PAPOLA: variants seen among roughly 807,000 people sequenced by gnomAD.
The protein encoded by PAPOLA is polynucleotide adenylyltransferase alpha.
PAPOLA carries 15 observed loss-of-function variants against 100.6 expected under a neutral mutation model. That is an observed-to-expected ratio of 0.15 (90% confidence interval 0.10 to 0.23). PAPOLA has a LOEUF of 0.23. Ranked by LOEUF, PAPOLA falls within the 10% of genes least tolerant of loss-of-function variation. PAPOLA has a pLI of 1.00. For synonymous variants in PAPOLA, 293 were observed against 300.0 expected, an observed-to-expected ratio of 0.98 and a Z score of 0.24; for missense variants, 533 against 884.2, an observed-to-expected ratio of 0.60 and a Z score of 5.04.
chr14:96,511,012 C>T lies in PAPOLA; in HGVS notation c.8+8412C>T, dbSNP rs191836165. Reference sequence around the variant, plus strand: ...GCACATTAAGGTTAAGACCTTTAAACAGCAAATTCTACTGTGATGAATTGT... The same window carrying T: ...GCACATTAAGGTTAAGACCTTTAAATAGCAAATTCTACTGTGATGAATTGT... On this transcript the variant is annotated intron_variant, in intron 1 of 21. Transcript: ENST00000216277. Among the ~76,000 whole-genome samples the T allele has an allele frequency of 5.3e-5, 8 of 152,310 alleles. No homozygotes were observed. In the East Asian group the frequency reaches 1.5e-3, roughly 29 times the overall value.
intron 1 of PAPOLA, among the ~76,000 whole-genome samples, chr14:96,506,280 A>T (rs1255410896): frequency 1.3e-5 from 2 of 152,180 alleles, no homozygotes; most frequent in Non-Finnish European, 2.9e-5. Flanking sequence ...GGTTAATTTT[A>T]TTAAATCTTG....
intron 19 of PAPOLA, among the ~76,000 whole-genome samples, chr14:96,557,219 A>G (rs1327751125): frequency 1.3e-5 from 2 of 151,968 alleles, no homozygotes; most frequent in African/African-American, 2.4e-5. Flanking sequence ...CTAATTTAAA[A>G]AAAGATTTTT....
At chr14:96,534,732 G>A in intron 10 of PAPOLA, 169 bp downstream of exon 10, 1 of 1,431,912 alleles carries the variant, frequency 7.0e-7, no homozygotes, top group Non-Finnish European at 9.1e-7. Flanking sequence ...TATAATTGAT[G>A]TGAGAAGCAT....
rs569361650 is a variant in PAPOLA, at chr14:96,535,177, T to C, written c.909+614T>C. The C allele has an allele frequency of 9.4e-5, 86 of 913,740 alleles. No individual in the cohort carries two copies. The African/African-American group carries it at 1.4e-3, about 14-fold the overall frequency. The allele number at this position is 913,740 out of a possible 1,614,324, so 56.6% of individuals were successfully genotyped here. A position where few individuals can be genotyped will look rare whatever the true frequency, so the allele number is the denominator to read the frequency against. On this transcript the variant is annotated intron_variant, in intron 10 of 21. Transcript: ENST00000216277. ...TAAACTGATAAAAGAAATTTAGGTT[T>C]GAATAAGATTTCCTAAGTTTATGAA...
At chr14:96,521,340 A>T (rs1462729924) in intron 3 of PAPOLA, among the ~76,000 whole-genome samples, 3 of 152,182 alleles carry the variant, frequency 2.0e-5, no homozygotes, top group Non-Finnish European at 4.4e-5. Flanking sequence ...TAAAGTACTT[A>T]CACTCTTCAC....
chr14:96,535,443 C>G, intron 10 of PAPOLA: 3 of 984,248 alleles, frequency 3.0e-6, no homozygotes, highest in Non-Finnish European at 3.6e-6. Context: ...TGTTAATAAG[C>G]TTGAACTCCT....
At position 96,532,238 on chromosome 14, in the gene PAPOLA, TA is replaced by T. The variant is rs1356886495; in HGVS notation, c.608-90del. ...TCAGAAAATTTGGAAGCATTACCAT[TA>T]AACTTTTGATGATTTAATGTTGTTT... is the stretch of plus-strand genomic sequence containing the variant. On this transcript the variant is annotated intron_variant, in intron 7 of 21. Transcript: ENST00000216277. 6 of 1,447,166 alleles carry T rather than the reference TA, an allele frequency of 4.1e-6. No individual in the cohort carries two copies. The Admixed American group carries it at 1.5e-4, about 36-fold the overall frequency. 89.6% of individuals were successfully genotyped at this position (1,447,166 alleles called of 1,614,324 possible). A position where few individuals can be genotyped will look rare whatever the true frequency, so the allele number is the denominator to read the frequency against.
At chr14:96,531,320 C>T (rs1426917906) in intron 6 of PAPOLA, among the ~76,000 whole-genome samples, 155 bp from the exon 7 acceptor site, 3 of 151,678 alleles carry the variant, frequency 2.0e-5, no homozygotes, top group Non-Finnish European at 4.4e-5. Flanking sequence ...TTTATAGAGA[C>T]AGGGTTTCGC....
chr14:96,556,255 G>A lies in PAPOLA; in HGVS notation c.1846G>A (p.Val616Ile). 1.2e-6 allele frequency: 2 copies of A among 1,614,012 alleles called. No individual in the cohort carries two copies. Among genetic ancestry groups the A allele is most frequent in the Non-Finnish European group, 1.7e-6 (2 of 1,180,010 alleles). ...PPPKPTVSRV[V>I]SSTRLVNPPP... ...ACCAAAGCCTACGGTCTCCAGAGTT[G>A]TTTCTTCAACACGTCTGGTAAACCC... The change falls in exon 19 of 22, where the codon GTT becomes ATT. Residue 616 changes from valine (V) to isoleucine (I), a missense_variant. Coordinates refer to ENST00000216277, the MANE Select transcript of PAPOLA (RefSeq NM_032632.5).
chr14:96,563,552 T>C (rs1902038859), intron 21 of PAPOLA, among the ~76,000 whole-genome samples: 1 of 152,166 alleles, frequency 6.6e-6, no homozygotes, highest in African/African-American at 2.4e-5. Context: ...CTTTAATAGA[T>C]GATAAAACTG....
intron 1 of PAPOLA, among the ~76,000 whole-genome samples, chr14:96,517,445 G>A (rs1358332222): frequency 9.2e-5 from 14 of 152,074 alleles, no homozygotes; most frequent in South Asian, 2.1e-4. Context: ...TAATGGATGC[G>A]TTTATTACCT....
At chr14:96,507,602 C>T (rs1365934740) in intron 1 of PAPOLA, among the ~76,000 whole-genome samples, 1 of 152,144 alleles carries the variant, frequency 6.6e-6, no homozygotes, top group Non-Finnish European at 1.5e-5. Context: ...GCTATGTTAA[C>T]ATGTAATGAG....
At chr14:96,552,288 G>C (rs1033904415) in intron 16 of PAPOLA, among the ~76,000 whole-genome samples, 192 bp from the exon 17 acceptor site, 4 of 152,130 alleles carry the variant, frequency 2.6e-5, no homozygotes, top group Admixed American at 2.6e-4. Flanking sequence ...ATTTAATGTT[G>C]ATGCCTTCTT....
chr14:96,537,507 G>C (rs986918426), intron 12 of PAPOLA: 3 of 158,502 alleles, frequency 1.9e-5, no homozygotes, highest in African/African-American at 7.2e-5. Flanking sequence ...GTTTTCAATA[G>C]TTACAGCACA....
chr14:96,537,669 G>A (rs1052059229), intron 12 of PAPOLA: 1 of 151,882 alleles, frequency 6.6e-6, no homozygotes, highest in Admixed American at 6.6e-5. Context: ...TTCATTAATT[G>A]TGTTAGTTTT....
At chr14:96,546,521 C>T (rs941092695) in intron 15 of PAPOLA, among the ~76,000 whole-genome samples, 4 of 152,072 alleles carry the variant, frequency 2.6e-5, no homozygotes, top group South Asian at 2.1e-4. Context: ...TGTGACCTTA[C>T]CTCCTGTTAT....
chr14:96,520,246 A>T lies in PAPOLA; in HGVS notation c.182+18A>T. 1 of 1,578,794 alleles carries T rather than the reference A, an allele frequency of 6.3e-7. No homozygotes were observed. The highest frequency in any genetic ancestry group is 8.6e-7 in the Non-Finnish European group (1 of 1,162,690). On this transcript the variant is annotated intron_variant, in intron 2 of 21. Transcript: ENST00000216277. ...CAGCGCAGGTAAATAGATATTCTATATTTTTTTAACTCGGAAACTTTTATT... is the reference window on the plus strand; with the variant it reads ...CAGCGCAGGTAAATAGATATTCTATTTTTTTTTAACTCGGAAACTTTTATT...
chr14:96,558,150 T>G (rs988880873), intron 19 of PAPOLA, among the ~76,000 whole-genome samples: 6 of 600 alleles, frequency 0.01, no homozygotes, highest in Admixed American at 0.038. Context: ...TTTTTGGGGT[T>G]TTTTTTGTTG....
In PAPOLA at chr14:96,502,399, G is replaced by C; in HGVS notation, c.-194G>C. 1 of 697,080 alleles carries C rather than the reference G, an allele frequency of 1.4e-6. No homozygotes were observed. Among genetic ancestry groups the C allele is most frequent in the South Asian group, 1.5e-5 (1 of 66,484 alleles). 43.2% of individuals were successfully genotyped at this position (697,080 alleles called of 1,614,324 possible). On this transcript the variant is annotated 5_prime_UTR_variant, in exon 1 of 22. Transcript: ENST00000216277. ...GCAGTTCTAGAACGTTGCTGTGGTA[G>C]CGCTCGGGCGCCATGTTAGGACGAA...
Sources: allele counts gnomAD v4.1 joint callset (sites outside exome capture counted in the v4.1 genomes callset), GRCh38; gene constraint gnomAD v4.1.1; transcripts MANE v1.5; gene names NCBI Gene and HGNC (gene_info 2026-07-23, HGNC 2026-07-21).